HMGCLL1: variants seen among roughly 807,000 people sequenced by gnomAD.
HMGCLL1 encodes 3-hydroxy-3-methylglutaryl-CoA lyase like 1, also known as 3-hydroxymethyl-3-methylglutaryl-CoA lyase, cytoplasmic.
In HMGCLL1, 36 loss-of-function variants were observed where a neutral mutation model predicts 39.1. That is an observed-to-expected ratio of 0.92 (90% CI 0.71 to 1.22). The LOEUF (loss-of-function observed/expected upper bound fraction) is 1.22, where lower values mean the gene tolerates loss of function less well. HMGCLL1 is among the 50% of genes most tolerant of loss of function. HMGCLL1 has a pLI of 0.00. For missense variants in HMGCLL1, 451 were observed against 416.5 expected (o/e 1.08, Z -0.72); for synonymous variants, 149 against 144.0 (o/e 1.03, Z -0.25).
the HMGCLL1 span, among the ~76,000 whole-genome samples, chr6:55,644,870 T>C: frequency 6.6e-6 from 1 of 152,086 alleles, no homozygotes; most frequent in Non-Finnish European, 1.5e-5. Flanking sequence ...ATAGCATAGT[T>C]GGCTATTCTG....
chr6:55,438,223 T>C (rs1456883895), intron 8 of HMGCLL1, among the ~76,000 whole-genome samples: 1 of 152,124 alleles, frequency 6.6e-6, no homozygotes, highest in Non-Finnish European at 1.5e-5. Flanking sequence ...TGAAATAACA[T>C]TTATTTCTAA....
Position 55,566,371 on chromosome 6 carries a change from A to T in HMGCLL1, c.108+12577T>A, listed in dbSNP as rs1771211222. 7 of 240,728 alleles carry T rather than the reference A, an allele frequency of 2.9e-5. No individual in the cohort carries two copies. In the Admixed American group the frequency reaches 3.3e-4, roughly 11 times the overall value. 14.9% of individuals were successfully genotyped at this position (240,728 alleles called of 1,614,324 possible). A position where few individuals can be genotyped will look rare whatever the true frequency, so the allele number is the denominator to read the frequency against. ...AAAGACTTTATGAAATGCAGATTTC[A>T]TAGAATAAAACTTGTGTTAAAGGCG... On this transcript the variant is annotated intron_variant, in intron 1 of 8. Coordinates refer to ENST00000274901, the MANE Select transcript of HMGCLL1 (RefSeq NM_001042406.2).
At chr6:55,596,047 G>A in the HMGCLL1 span, among the ~76,000 whole-genome samples, 2 of 152,108 alleles carry the variant, frequency 1.3e-5, no homozygotes, top group Non-Finnish European at 2.9e-5. Flanking sequence ...TTGGAAAGTT[G>A]GGCTCGATGG....
intron 7 of HMGCLL1, among the ~76,000 whole-genome samples, chr6:55,478,435 C>T (rs1765571060): frequency 6.6e-6 from 1 of 151,248 alleles, no homozygotes; most frequent in African/African-American, 2.4e-5. Flanking sequence ...ATGAATAATC[C>T]TACAAATTTT....
chr6:55,516,599 G>A lies in HMGCLL1; in HGVS notation c.302C>T (p.Ala101Val). The part of the protein sequence containing the change: ...FVSSRWVPQM[A>V]DHTEVMKGIH... Reference sequence around the variant, plus strand: ...GCCTTTCATTACTTCAGTGTGATCAGCCATCTTAAATACATAATAGTTATA... The same window carrying A: ...GCCTTTCATTACTTCAGTGTGATCAACCATCTTAAATACATAATAGTTATA... Residue 101 changes from alanine (A) to valine (V), a missense_variant, in exon 4 of 9, where the codon GCT becomes GTT. Physicochemically the swap from Ala to Val is moderately conservative, Grantham distance 64 (BLOSUM62 0). Coordinates refer to ENST00000274901, the MANE Select transcript of HMGCLL1 (RefSeq NM_001042406.2). The A allele has an allele frequency of 6.3e-7, 1 of 1,585,596 alleles. No individual in the cohort carries two copies. The highest frequency in any genetic ancestry group is 8.6e-7 in the Non-Finnish European group (1 of 1,159,246).
At chr6:55,467,485 G>T (rs1764843979) in intron 7 of HMGCLL1, among the ~76,000 whole-genome samples, 2 of 151,952 alleles carry the variant, frequency 1.3e-5, no homozygotes, top group African/African-American at 4.8e-5. Context: ...AAGAGCAAGA[G>T]CTCCATTAAG....
chr6:55,619,285 T>TA, the HMGCLL1 span, among the ~76,000 whole-genome samples: 3 of 152,034 alleles, frequency 2.0e-5, no homozygotes, highest in Non-Finnish European at 4.4e-5. Context: ...AAAAATTATA[T>TA]AAAAAAATCA....
intron 1 of HMGCLL1, among the ~76,000 whole-genome samples, chr6:55,556,536 A>G (rs563050762): frequency 1.3e-5 from 2 of 152,244 alleles, no homozygotes; most frequent in East Asian, 3.9e-4. Context: ...GCAAATTGGT[A>G]TTGGAAGTGT....
the HMGCLL1 span, among the ~76,000 whole-genome samples, chr6:55,639,705 T>C: frequency 6.6e-6 from 1 of 152,136 alleles, no homozygotes; most frequent in Admixed American, 6.6e-5. Flanking sequence ...AGTTTTATTC[T>C]AGTTTTCCTT....
intron 1 of HMGCLL1, among the ~76,000 whole-genome samples, chr6:55,565,435 T>C (rs1043802539): frequency 2.6e-5 from 4 of 152,150 alleles, no homozygotes; most frequent in Admixed American, 6.6e-5. Context: ...TAATGGTTAA[T>C]GTAGTATTTT....
intron 3 of HMGCLL1, among the ~76,000 whole-genome samples, chr6:55,522,712 A>C (rs537826037): frequency 1.7e-4 from 26 of 152,146 alleles, no homozygotes; most frequent in African/African-American, 6.0e-4. Context: ...TTTATGATAC[A>C]TGTCATTTCT....
chr6:55,521,304 A>G lies in HMGCLL1; in HGVS notation c.298-4701T>C, dbSNP rs1185841364. On this transcript the variant is annotated intron_variant, in intron 3 of 8. Transcript: ENST00000274901. ...TGATAAACAATGAAAGAGTTTCTCA[A>G]AAACTTCTGAAAGAGAATCATATTG... Among the ~76,000 whole-genome samples the G allele has an allele frequency of 2.6e-5, 4 of 152,116 alleles. No individual in the cohort carries two copies. In the East Asian group the frequency reaches 7.7e-4, roughly 29 times the overall value.
At chr6:55,513,703 C>A in intron 5 of HMGCLL1, 1 of 267,068 alleles carries the variant, frequency 3.7e-6, no homozygotes. Context: ...GATTCTTTTC[C>A]AAAAGCTGTT....
chr6:55,471,009 C>G (rs1388104465), intron 7 of HMGCLL1, among the ~76,000 whole-genome samples: 1 of 151,642 alleles, frequency 6.6e-6, no homozygotes, highest in Non-Finnish European at 1.5e-5. Flanking sequence ...GGACACAGAG[C>G]CAAACCATAT....
Position 55,542,164 on chromosome 6 carries a change from A to G in HMGCLL1, c.109-24T>C, listed in dbSNP as rs1769477234. 10 of 1,500,156 alleles carry G rather than the reference A, an allele frequency of 6.7e-6. No individual in the cohort carries two copies. In the East Asian group the frequency reaches 2.3e-4, roughly 34 times the overall value. The allele number at this position is 1,500,156 out of a possible 1,614,324, so 92.9% of individuals were successfully genotyped here. On this transcript the variant is annotated intron_variant, in intron 1 of 8. Coordinates refer to ENST00000274901, the MANE Select transcript of HMGCLL1 (RefSeq NM_001042406.2). ...TCCTGAAATGCAAAATGTAAGAACAAGATAACGTAACTTTTAGATTGTTAC... is the reference window on the plus strand; with the variant it reads ...TCCTGAAATGCAAAATGTAAGAACAGGATAACGTAACTTTTAGATTGTTAC...
At chr6:55,456,579 G>A (rs1366130065) in intron 7 of HMGCLL1, among the ~76,000 whole-genome samples, 2 of 152,122 alleles carry the variant, frequency 1.3e-5, no homozygotes, top group African/African-American at 4.8e-5. Flanking sequence ...ATATCAGCTG[G>A]ATTCCTACAG....
the HMGCLL1 span, among the ~76,000 whole-genome samples, chr6:55,640,073 C>T: frequency 2.0e-5 from 3 of 151,786 alleles, no homozygotes; most frequent in East Asian, 5.8e-4. Context: ...AATGAAACTC[C>T]ATCTCAAAAA....
intron 6 of HMGCLL1, among the ~76,000 whole-genome samples, chr6:55,496,152 A>AT (rs907450471): frequency 2.0e-5 from 3 of 151,932 alleles, no homozygotes; most frequent in African/African-American, 7.3e-5. Context: ...ACTATATTAA[A>AT]TTTTTTTTCG....
At chr6:55,629,462 A>C in the HMGCLL1 span, among the ~76,000 whole-genome samples, 1 of 152,324 alleles carries the variant, frequency 6.6e-6, no homozygotes, top group East Asian at 1.9e-4. Context: ...GAACATTTGC[A>C]GCCTGACAAT....
Sources: gnomAD v4.1 joint callset for allele counts (sites outside exome capture counted in the v4.1 genomes callset) on GRCh38, gnomAD v4.1.1 for gene constraint, MANE v1.5 for transcripts, NCBI Gene and HGNC (gene_info 2026-07-23, HGNC 2026-07-21) for gene names.